The following CEP43 variants were observed in gnomAD, a reference collection of about 807,000 sequenced individuals.
The protein encoded by CEP43 is FGFR1 oncogene partner.
A neutral mutation model predicts 52.6 loss-of-function variants in CEP43; 36 were observed. That is an observed-to-expected ratio of 0.68 (90% CI 0.52 to 0.90). CEP43 has a LOEUF of 0.90. Ranked by LOEUF, CEP43 falls within the 40% of genes least tolerant of loss-of-function variation. The pLI is 0.00. For synonymous variants in CEP43, 192 were observed against 172.4 expected, an observed-to-expected ratio of 1.11 and a Z score of -0.89; for missense variants, 506 against 472.8, an observed-to-expected ratio of 1.07 and a Z score of -0.65.
rs1780481452 is a variant in CEP43 at position 167,032,047 on chromosome 6, T to A, written c.989-556T>A. Among the ~76,000 whole-genome samples the A allele has an allele frequency of 2.6e-5, 4 of 152,190 alleles. No homozygotes were observed. In the South Asian group the frequency reaches 8.3e-4, roughly 32 times the overall value. ...TATGTTAACTCTGATTGGTGTGGCT[T>A]TGGCTGTACGTCAGAGCAGAGGACA... On this transcript the variant is annotated intron_variant, in intron 10 of 12. Coordinates refer to ENST00000366847, the MANE Select transcript of CEP43 (RefSeq NM_007045.4).
In CEP43 at chr6:167,051,546, T is replaced by G. The variant is rs1227155148; in HGVS notation, c.*11568T>G. 6.6e-6 allele frequency: 1 copy of G among 152,242 alleles called. No homozygotes were observed. Among genetic ancestry groups the G allele is most frequent in the East Asian group, 1.9e-4 (1 of 5,202 alleles). The allele number at this position is 152,242 out of a possible 1,614,324, so 9.4% of individuals were successfully genotyped here. On this transcript the variant is annotated 3_prime_UTR_variant, in exon 13 of 13. Transcript: ENST00000366847. The stretch of plus-strand genomic sequence containing the variant: ...AAGGCAGTTTCAAAATCTGAAACTT[T>G]TATTGTTAAATTATGTATTTATTCC...
intron 9 of CEP43, 149 bp from the exon 10 acceptor site, chr6:167,026,398 A>G (rs73028287): frequency 0.02 from 12,997 of 636,934 alleles, 253 homozygotes; most frequent in East Asian, 0.074. Flanking sequence ...TTAAGCGTTC[A>G]TTAATCACAG....
In CEP43 at chr6:167,026,563, A is replaced by G. The variant is rs528556431; in HGVS notation, c.936A>G (p.Thr312=). The part of the protein sequence containing the change: ...LKDSESKRGN[T]VLKDLKLISD... ...TGTTCACAGGTAAAAGGGGAAATAC[A>G]GTTTTGAAAGATCTGAAATTGATCA... The change falls in exon 10 of 13, where the codon ACA becomes ACG. Residue 312 remains threonine (T), a synonymous_variant. Coordinates refer to ENST00000366847, the MANE Select transcript of CEP43 (RefSeq NM_007045.4). 5.0e-6 allele frequency: 8 copies of G among 1,592,518 alleles called. No homozygotes were observed. The highest frequency in any genetic ancestry group is 2.2e-5 in the South Asian group (2 of 90,610).
At chr6:167,039,232 C>T (rs759560317) in intron 12 of CEP43, among the ~76,000 whole-genome samples, 75 of 152,154 alleles carry the variant, frequency 4.9e-4, no homozygotes, top group Middle Eastern at 6.8e-3. Flanking sequence ...TGGGTTCAAG[C>T]GATTCTCCCG....
At chr6:167,013,183 T>C (rs1048963407) in intron 6 of CEP43, among the ~76,000 whole-genome samples, 1 of 152,132 alleles carries the variant, frequency 6.6e-6, no homozygotes, top group Non-Finnish European at 1.5e-5. Flanking sequence ...TTCAAGGAAG[T>C]TGCCTAGGAA....
At chr6:167,000,772 G>A (rs999443368) in intron 2 of CEP43, among the ~76,000 whole-genome samples, 2 of 152,112 alleles carry the variant, frequency 1.3e-5, no homozygotes, top group Non-Finnish European at 2.9e-5. Flanking sequence ...GTCTGTGCAG[G>A]CATCAGTCTT....
intron 4 of CEP43, 192 bp from the exon 5 acceptor site, chr6:167,004,072 T>G (rs1252491229): frequency 1.3e-5 from 8 of 622,554 alleles, no homozygotes; most frequent in Non-Finnish European, 1.9e-5. Flanking sequence ...AGTGCACCTG[T>G]TAATGGAAAC....
At chr6:167,002,874 C>T (rs74487597) in intron 2 of CEP43, among the ~76,000 whole-genome samples, 4,281 of 152,274 alleles carry the variant, frequency 0.028, 96 homozygotes, top group Non-Finnish European at 0.039. Context: ...GATGACAAAA[C>T]TTTTATCAAA....
At chr6:167,029,712 G>C (rs1002284782) in intron 10 of CEP43, among the ~76,000 whole-genome samples, 2 of 152,238 alleles carry the variant, frequency 1.3e-5, no homozygotes, top group African/African-American at 4.8e-5. Context: ...TGTCTGAAGA[G>C]ACCACCAAAC....
intron 10 of CEP43, among the ~76,000 whole-genome samples, chr6:167,030,805 A>G (rs1212384210): frequency 6.6e-6 from 1 of 152,134 alleles, no homozygotes; most frequent in Non-Finnish European, 1.5e-5. Context: ...CTGGGAAAAC[A>G]GAAGTGAGGT....
At chr6:167,034,225 G>A (rs1488142815) in intron 12 of CEP43, among the ~76,000 whole-genome samples, 2 of 152,168 alleles carry the variant, frequency 1.3e-5, no homozygotes, top group Non-Finnish European at 2.9e-5. Flanking sequence ...CACTGGGATT[G>A]CTGTGGATTA....
chr6:167,023,676 C>T (rs1431591695), intron 8 of CEP43, among the ~76,000 whole-genome samples: 1 of 152,172 alleles, frequency 6.6e-6, no homozygotes, highest in Non-Finnish European at 1.5e-5. Flanking sequence ...GAAGCAGGTC[C>T]TGCGCACCTT....
At position 167,048,674 on chromosome 6, in the gene CEP43, C is replaced by A. The variant is rs567222791; in HGVS notation, c.*8696C>A. On this transcript the variant is annotated 3_prime_UTR_variant, in exon 13 of 13. Coordinates refer to ENST00000366847, the MANE Select transcript of CEP43 (RefSeq NM_007045.4). ...GTGCAATTACTGAAGGGGAAGACACCATGCAAATACATGGTAAAAATATTC... is the reference window on the plus strand; with the variant it reads ...GTGCAATTACTGAAGGGGAAGACACAATGCAAATACATGGTAAAAATATTC... 1 of 152,244 alleles carries A rather than the reference C, an allele frequency of 6.6e-6. No homozygotes were observed. The highest frequency in any genetic ancestry group is 6.5e-5 in the Admixed American group (1 of 15,290). The allele number at this position is 152,244 out of a possible 1,614,324, so 9.4% of individuals were successfully genotyped here.
intron 6 of CEP43, among the ~76,000 whole-genome samples, chr6:167,013,032 T>G (rs1166714523): frequency 1.3e-5 from 2 of 152,214 alleles, no homozygotes; most frequent in Non-Finnish European, 2.9e-5. Context: ...CCCTACCGTC[T>G]TCTTGCTAGC....
rs1008102481 is a variant in CEP43, at chr6:167,047,734, T to A, written c.*7756T>A. The A allele has an allele frequency of 6.6e-6, 1 of 152,166 alleles. No homozygotes were observed. Among genetic ancestry groups the A allele is most frequent in the South Asian group, 2.1e-4 (1 of 4,826 alleles). 9.4% of individuals were successfully genotyped at this position (152,166 alleles called of 1,614,324 possible). On this transcript the variant is annotated 3_prime_UTR_variant, in exon 13 of 13. Transcript: ENST00000366847. ...CCCCGCGCCGAGCTACTGTGATGTA[T>A]TTTTATGACCTGGCAGCTTTTTTCT...
At position 167,032,579 on chromosome 6, in the gene CEP43, C is replaced by T. The variant is rs1343053043; in HGVS notation, c.989-24C>T. The T allele has an allele frequency of 4.5e-6, 7 of 1,549,610 alleles. No homozygotes were observed. In the East Asian group the frequency reaches 1.4e-4, roughly 30 times the overall value. On this transcript the variant is annotated intron_variant, in intron 10 of 12. Transcript: ENST00000366847. ...AAATTGTGACGCACATTAGATATAA[C>T]ATATCTTTTCTTAAACTTATCAGGA...
intron 10 of CEP43, among the ~76,000 whole-genome samples, chr6:167,027,680 C>T (rs1157623816): frequency 6.6e-6 from 1 of 152,066 alleles, no homozygotes; most frequent in East Asian, 1.9e-4. Context: ...TGATGGGTAG[C>T]GTAGGGAGAT....
chr6:167,013,658 T>G (rs938713685), intron 7 of CEP43, 91 bp downstream of exon 7: 2 of 1,030,340 alleles, frequency 1.9e-6, no homozygotes, highest in Non-Finnish European at 3.0e-6. Flanking sequence ...CCTGTCAGAT[T>G]GGGTTCTCAG....
intron 7 of CEP43, among the ~76,000 whole-genome samples, chr6:167,020,806 G>C (rs1258469561): frequency 6.6e-6 from 1 of 151,356 alleles, no homozygotes. Context: ...CTACTCAGGA[G>C]GCTGAGGCAG....
Sources: gnomAD v4.1 joint callset for allele counts (sites outside exome capture counted in the v4.1 genomes callset) on GRCh38, gnomAD v4.1.1 for gene constraint, MANE v1.5 for transcripts, NCBI Gene and HGNC (gene_info 2026-07-23, HGNC 2026-07-21) for gene names.